PLXNA4: variants seen among roughly 807,000 people sequenced by gnomAD.
PLXNA4 encodes the protein plexin A4, also known as plexin-A4.
In PLXNA4, 44 loss-of-function variants were observed where a neutral mutation model predicts 191.8. The observed-to-expected ratio is 0.23, with a 90% CI of 0.18 to 0.29. The LOEUF (loss-of-function observed/expected upper bound fraction) is 0.29. PLXNA4 is among the 10% of genes least tolerant of loss of function. The pLI is 1.00. For missense variants in PLXNA4, 1,800 were observed against 2,488.8 expected (o/e 0.72, Z 5.89); for synonymous variants, 1,082 against 1,009.5 (o/e 1.07, Z -1.36).
At chr7:132,262,939 G>A (rs1390222282) in intron 4 of PLXNA4, among the ~76,000 whole-genome samples, 3 of 152,140 alleles carry the variant, frequency 2.0e-5, no homozygotes, top group Admixed American at 6.5e-5. Context: ...GCTGGGGGCG[G>A]GAAGCCACAA....
chr7:132,408,913 A>G (rs184084003), intron 3 of PLXNA4, among the ~76,000 whole-genome samples: 1 of 127,874 alleles, frequency 7.8e-6, no homozygotes, highest in South Asian at 2.7e-4. Context: ...GGATCACATG[A>G]TCTCTAAAAC....
intron 2 of PLXNA4, among the ~76,000 whole-genome samples, chr7:132,613,869 A>G (rs754133092): frequency 4.6e-5 from 7 of 152,228 alleles, no homozygotes; most frequent in Non-Finnish European, 8.8e-5. Context: ...AAAGAAAAAA[A>G]TGTTCCACAG....
At chr7:132,413,718 T>C (rs1044702171) in intron 3 of PLXNA4, among the ~76,000 whole-genome samples, 2 of 152,198 alleles carry the variant, frequency 1.3e-5, no homozygotes, top group Non-Finnish European at 2.9e-5. Flanking sequence ...ACTCTTCCAG[T>C]TTGGAAAATA....
At chr7:132,213,672 A>T (rs960661222) in intron 9 of PLXNA4, among the ~76,000 whole-genome samples, 1 of 152,188 alleles carries the variant, frequency 6.6e-6, no homozygotes, top group Non-Finnish European at 1.5e-5. Context: ...TGATGTTGGC[A>T]GCTCGAGGAG....
At chr7:132,352,967 A>C (rs1803552122) in intron 3 of PLXNA4, among the ~76,000 whole-genome samples, 1 of 152,178 alleles carries the variant, frequency 6.6e-6, no homozygotes, top group Non-Finnish European at 1.5e-5. Context: ...ATCACTTCCC[A>C]AAATATTGCT....
At chr7:132,460,663 T>C (rs2117356066) in intron 3 of PLXNA4, among the ~76,000 whole-genome samples, 1 of 152,282 alleles carries the variant, frequency 6.6e-6, no homozygotes, top group South Asian at 2.1e-4. Flanking sequence ...AAATTGAGTA[T>C]ATGTGGTCAC....
chr7:132,243,641 G>A (rs1174047100), intron 4 of PLXNA4, among the ~76,000 whole-genome samples: 1 of 152,072 alleles, frequency 6.6e-6, no homozygotes, highest in Admixed American at 6.6e-5. Flanking sequence ...TCAAATTCTG[G>A]CTTAACATGG....
chr7:132,187,696 A>G (rs1042519056), intron 14 of PLXNA4, 89 bp from the exon 15 acceptor site: 3 of 1,480,414 alleles, frequency 2.0e-6, no homozygotes, highest in Non-Finnish European at 2.7e-6. Context: ...CACTCCCCCA[A>G]GCTGCCTTCT....
chr7:132,403,647 C>G (rs894885996), intron 3 of PLXNA4, among the ~76,000 whole-genome samples: 8 of 152,150 alleles, frequency 5.3e-5, no homozygotes, highest in African/African-American at 1.9e-4. Flanking sequence ...TTCCTCCACT[C>G]TCTCTCTCCA....
intron 3 of PLXNA4, among the ~76,000 whole-genome samples, chr7:132,423,937 C>T (rs1375567346): frequency 6.6e-6 from 1 of 152,206 alleles, no homozygotes; most frequent in Non-Finnish European, 1.5e-5. Context: ...CCCATCAGGC[C>T]CCCTTGAACC....
At chr7:132,132,966 A>T in intron 31 of PLXNA4, 83 bp downstream of exon 31, 1 of 1,529,234 alleles carries the variant, frequency 6.5e-7, no homozygotes, top group East Asian at 2.3e-5. Context: ...TGTGGCGATG[A>T]TCTCTTATAC....
chr7:132,520,052 C>T (rs1799111051), intron 1 of PLXNA4, among the ~76,000 whole-genome samples: 1 of 152,138 alleles, frequency 6.6e-6, no homozygotes, highest in Non-Finnish European at 1.5e-5. Context: ...AGGGCAGAGC[C>T]ACGTGATGTG....
intron 3 of PLXNA4, among the ~76,000 whole-genome samples, chr7:132,387,712 G>A (rs1169489573): frequency 6.6e-6 from 1 of 152,188 alleles, no homozygotes; most frequent in African/African-American, 2.4e-5. Flanking sequence ...CAAGGTCAGG[G>A]TGCTGGAGGA....
intron 2 of PLXNA4, among the ~76,000 whole-genome samples, chr7:132,501,859 G>A (rs1585233122): frequency 6.6e-6 from 1 of 152,240 alleles, no homozygotes; most frequent in South Asian, 2.1e-4. Flanking sequence ...TTTGATGTGT[G>A]CATTTATTGG....
chr7:132,285,723 C>T (rs902309344), intron 4 of PLXNA4, among the ~76,000 whole-genome samples: 5 of 152,188 alleles, frequency 3.3e-5, no homozygotes, highest in Admixed American at 1.3e-4. Context: ...GATATTCAAA[C>T]GGAGTGTAAA....
At chr7:132,629,570 C>G (rs1301583958) in intron 2 of PLXNA4, among the ~76,000 whole-genome samples, 1 of 152,212 alleles carries the variant, frequency 6.6e-6, no homozygotes, top group East Asian at 1.9e-4. Flanking sequence ...GGATTGGGAA[C>G]CATGAATCCA....
intron 3 of PLXNA4, among the ~76,000 whole-genome samples, chr7:132,445,384 C>T (rs897251541): frequency 5.9e-5 from 9 of 151,500 alleles, no homozygotes; most frequent in South Asian, 2.1e-4. Context: ...TTGCCACAGC[C>T]GAGTGAGCGC....
At chr7:132,235,645 G>A (rs1039864449) in intron 5 of PLXNA4, among the ~76,000 whole-genome samples, 1 of 152,176 alleles carries the variant, frequency 6.6e-6, no homozygotes, top group Admixed American at 6.5e-5. Context: ...GAGTGATGCT[G>A]ATGACTTTTC....
Position 132,508,485 on chromosome 7 carries a change from C to T in PLXNA4, c.209G>A (p.Arg70Gln), listed in dbSNP as rs374414768. Residue 70 changes from arginine to glutamine, a missense_variant, in exon 2 of 32, where the codon CGG (arginine) becomes CAG (glutamine). Physicochemically the swap from Arg to Gln is conservative, Grantham distance 43. Around this residue, in one of 6 missense-constraint regions of PLXNA4, gnomAD observed 1,397 missense variants for 1,880.4 expected, o/e 0.74. Coordinates refer to ENST00000321063, the MANE Select transcript of PLXNA4 (RefSeq NM_020911.2). This position sits in a 1 kb window ranked among gnomAD's most constrained non-coding sequence, Gnocchi z 4.4. ...CAGGTCGCTGGAGAGCTTGTAAATC[C>T]GATTGACGGCCCCCAAGTAAATGTG... is the stretch of plus-strand genomic sequence containing the variant. ...TGHIYLGAVNRIYKLSSDLKV... is the reference protein window; with the variant it reads ...TGHIYLGAVNQIYKLSSDLKV... The T allele has an allele frequency of 5.8e-5, 94 of 1,614,054 alleles. 2 individuals are homozygous for T. The highest frequency in any genetic ancestry group is 3.6e-4 in the East Asian group (16 of 44,890).
Sources: gnomAD v4.1 joint callset for allele counts (sites outside exome capture counted in the v4.1 genomes callset) on GRCh38, gnomAD v4.1.1 for gene constraint, gnomAD v4.1.1 regional missense constraint, Gnocchi (gnomAD v3.1) non-coding constraint, MANE v1.5 for transcripts, NCBI Gene and HGNC (gene_info 2026-07-23, HGNC 2026-07-21) for gene names.